PRUNE2: variants seen among roughly 807,000 people sequenced by gnomAD.
PRUNE2 encodes prune homolog 2 with BCH domain, also known as protein prune homolog 2.
In PRUNE2, 164 loss-of-function variants were observed where a neutral mutation model predicts 252.0. That is an observed-to-expected ratio of 0.65 (90% CI 0.57 to 0.74). The LOEUF (loss-of-function observed/expected upper bound fraction) is 0.74, where lower values mean the gene tolerates loss of function less well. Among genes scored for constraint, PRUNE2 ranks in the 30% least tolerant of loss-of-function variants. The probability of loss-of-function intolerance (pLI) is 0.00; values close to 1 mark genes in which losing one functional copy is unlikely to be tolerated. For missense variants in PRUNE2, 3,495 were observed against 3,711.0 expected (o/e 0.94, Z 1.51); for synonymous variants, 1,292 against 1,350.2 (o/e 0.96, Z 0.94).
chr9:76,705,136 A>T lies in PRUNE2; in HGVS notation c.7138T>A (p.Leu2380Met). Residue 2380 changes from leucine (L) to methionine (M), a missense_variant, in exon 8 of 19, where the codon TTG (leucine) becomes ATG (methionine). Leu to Met is a conservative substitution (Grantham distance 15). Coordinates refer to ENST00000376718, the MANE Select transcript of PRUNE2 (RefSeq NM_015225.3). ...EHFLYGGDPP[L>M]EEDSLKQSLA... ...GACTGCTTCAGAGAATCTTCCTCCA[A>T]AGGAGGGTCACCACCATACAGGAAG... The T allele has an allele frequency of 6.2e-7, 1 of 1,613,928 alleles. No individual in the cohort carries two copies. The highest frequency in any genetic ancestry group is 8.5e-7 in the Non-Finnish European group (1 of 1,179,836).
rs965551335 is a variant in PRUNE2 at position 76,613,534 on chromosome 9, C to T, written c.*1036G>A. 2.6e-5 allele frequency: 4 copies of T among 152,240 alleles called. No individual in the cohort carries two copies. Among genetic ancestry groups the T allele is most frequent in the South Asian group, 2.1e-4 (1 of 4,818 alleles). The allele number at this position is 152,240 out of a possible 1,614,324, so 9.4% of individuals were successfully genotyped here. A position where few individuals can be genotyped will look rare whatever the true frequency, so the allele number is the denominator to read the frequency against. On this transcript the variant is annotated 3_prime_UTR_variant, in exon 19 of 19. Coordinates refer to ENST00000376718, the MANE Select transcript of PRUNE2 (RefSeq NM_015225.3). Reference sequence around the variant, plus strand: ...ACCATTCTTAGCTTGCAGTGGTGAGCGAGACTTAGCTGTGGTTTGCCACCC... The same window carrying T: ...ACCATTCTTAGCTTGCAGTGGTGAGTGAGACTTAGCTGTGGTTTGCCACCC...
At chr9:76,810,346 G>A (rs895430634) in intron 6 of PRUNE2, among the ~76,000 whole-genome samples, 3 of 152,066 alleles carry the variant, frequency 2.0e-5, no homozygotes, top group African/African-American at 7.2e-5. Context: ...ACTCAAAAAA[G>A]GTATGATAGA....
rs1416927610 is a variant in PRUNE2, at chr9:76,612,367, C to T, written c.*2203G>A. 1 of 152,164 alleles carries T rather than the reference C, an allele frequency of 6.6e-6. No homozygotes were observed. The highest frequency in any genetic ancestry group is 1.9e-4 in the East Asian group (1 of 5,190). The allele number at this position is 152,164 out of a possible 1,614,324, so 9.4% of individuals were successfully genotyped here. A position where few individuals can be genotyped will look rare whatever the true frequency, so the allele number is the denominator to read the frequency against. ...TATAACAAGAGCCCTCTATGAACAG[C>T]TCTATGCCCTCAGGTTTGCACCACT... On this transcript the variant is annotated 3_prime_UTR_variant, in exon 19 of 19. Transcript: ENST00000376718.
Position 76,705,980 on chromosome 9 carries a change from A to C in PRUNE2, c.6294T>G (p.Asn2098Lys), listed in dbSNP as rs1203413506. ...DILTHCEHDS[N>K]SQASDSPDIC... ...TATCAGGGCTGTCGGAAGCCTGAGAATTGCTGTCATGTTCGCAGTGCGTCA... is the reference window on the plus strand; with the variant it reads ...TATCAGGGCTGTCGGAAGCCTGAGACTTGCTGTCATGTTCGCAGTGCGTCA... Residue 2098 changes from asparagine to lysine, a missense_variant, in exon 8 of 19, where the codon AAT becomes AAG. Transcript: ENST00000376718. 3.1e-6 allele frequency: 5 copies of C among 1,613,904 alleles called. No homozygotes were observed. The Admixed American group carries it at 8.3e-5, about 27-fold the overall frequency.
intron 12 of PRUNE2, 129 bp from the exon 13 acceptor site, chr9:76,638,417 G>A: frequency 1.5e-6 from 1 of 647,210 alleles, no homozygotes; most frequent in South Asian, 1.8e-5. Context: ...ATGAAATGGG[G>A]ATTATGTTGA....
At chr9:76,691,642 T>A (rs990453069) in intron 9 of PRUNE2, among the ~76,000 whole-genome samples, 2 of 152,164 alleles carry the variant, frequency 1.3e-5, no homozygotes, top group African/African-American at 2.4e-5. Context: ...AAAAAATGCC[T>A]CTCTACCAGA....
At chr9:76,649,609 AGAT>A (rs146555683) in intron 11 of PRUNE2, among the ~76,000 whole-genome samples, 2 of 93,708 alleles carry the variant, frequency 2.1e-5, no homozygotes, top group Non-Finnish European at 2.1e-5. Context: ...ATAGATAGAT[AGAT>A]GATAGATAGA....
rs1309935973 is a variant in PRUNE2 at position 76,640,444 on chromosome 9, T to A, written c.8729-2156A>T. ...TTGTATACAGTATTTATACTACAAG[T>A]GGTGATACGGTGTTGTTGTATACAG... On this transcript the variant is annotated intron_variant, in intron 12 of 18. Transcript: ENST00000376718. Among the ~76,000 whole-genome samples, 11 of 152,184 alleles carry A rather than the reference T, an allele frequency of 7.2e-5. 1 individual carries two copies. The highest frequency in any genetic ancestry group is 7.2e-4 in the Admixed American group (11 of 15,270).
At chr9:76,886,224 A>T (rs1204168587) in intron 1 of PRUNE2, among the ~76,000 whole-genome samples, 1 of 152,028 alleles carries the variant, frequency 6.6e-6, no homozygotes, top group Non-Finnish European at 1.5e-5. Context: ...CAATGCTCTT[A>T]CACGTGATCA....
At chr9:76,776,120 C>G (rs1375121629) in intron 6 of PRUNE2, among the ~76,000 whole-genome samples, 1 of 152,144 alleles carries the variant, frequency 6.6e-6, no homozygotes, top group African/African-American at 2.4e-5. Context: ...TCAGTAAAGA[C>G]AGTAAGCACA....
intron 6 of PRUNE2, chr9:76,785,634 T>C (rs2054896710): frequency 6.6e-6 from 1 of 152,178 alleles, no homozygotes; most frequent in Non-Finnish European, 1.5e-5. Context: ...TCCTTGTAGT[T>C]AATTGAAAGA....
chr9:76,705,505 G>A lies in PRUNE2; in HGVS notation c.6769C>T (p.Pro2257Ser). 1 of 1,614,020 alleles carries A rather than the reference G, an allele frequency of 6.2e-7. No homozygotes were observed. The highest frequency in any genetic ancestry group is 8.5e-7 in the Non-Finnish European group (1 of 1,179,878). Reference sequence around the variant, plus strand: ...GCTCTTGCACCAGGCTGACTTTCAGGAGAAAAGCTGTCTGATATCCAAGAA... The same window carrying A: ...GCTCTTGCACCAGGCTGACTTTCAGAAGAAAAGCTGTCTGATATCCAAGAA... ...DGSWISDSFS[P>S]ESQPGARALF... Residue 2257 changes from proline to serine, a missense_variant, in exon 8 of 19, where the codon CCT (proline) becomes TCT (serine). Coordinates refer to ENST00000376718, the MANE Select transcript of PRUNE2 (RefSeq NM_015225.3).
intron 6 of PRUNE2, among the ~76,000 whole-genome samples, chr9:76,730,520 T>C (rs914215039): frequency 1.3e-4 from 20 of 152,296 alleles, no homozygotes; most frequent in African/African-American, 4.6e-4. Context: ...GCTGTGCTGC[T>C]GGTCTGTGCA....
At chr9:76,616,658 G>A (rs1193979450) in intron 18 of PRUNE2, among the ~76,000 whole-genome samples, 4 of 152,086 alleles carry the variant, frequency 2.6e-5, no homozygotes, top group Non-Finnish European at 5.9e-5. Context: ...TAAAAGACTG[G>A]AACCTGTTTA....
chr9:76,826,297 A>T (rs2058341012), intron 5 of PRUNE2, among the ~76,000 whole-genome samples: 1 of 152,178 alleles, frequency 6.6e-6, no homozygotes, highest in Non-Finnish European at 1.5e-5. Context: ...AACATGGTCA[A>T]GCCCTGCCTC....
intron 9 of PRUNE2, among the ~76,000 whole-genome samples, chr9:76,676,837 G>A (rs1455592067): frequency 1.3e-5 from 2 of 152,184 alleles, no homozygotes; most frequent in Non-Finnish European, 2.9e-5. Context: ...GTAGGAAGCA[G>A]CAGAAATAGC....
rs1053686260 is a variant in PRUNE2, at chr9:76,706,508, G to T, written c.5766C>A (p.Phe1922Leu). 2.5e-6 allele frequency: 4 copies of T among 1,613,862 alleles called. No homozygotes were observed. Among genetic ancestry groups the T allele is most frequent in the Non-Finnish European group, 3.4e-6 (4 of 1,179,900 alleles). Residue 1922 changes from phenylalanine to leucine, a missense_variant, in exon 8 of 19, where the codon TTC (phenylalanine) becomes TTA (leucine). By Grantham distance (22) the Phe-to-Leu change is conservative (BLOSUM62 0). Coordinates refer to ENST00000376718, the MANE Select transcript of PRUNE2 (RefSeq NM_015225.3). ...TTTGGTCTAATTTTACAAGCTGGCT[G>T]AACTTGTCAGCATCTGGGTCTGGCT... The part of the protein sequence containing the change: ...PRQPDPDADK[F>L]SQLVKLDQIK...
At chr9:76,878,625 C>A (rs559397895) in intron 1 of PRUNE2, among the ~76,000 whole-genome samples, 24 of 152,226 alleles carry the variant, frequency 1.6e-4, no homozygotes, top group African/African-American at 5.8e-4. Flanking sequence ...CCTTTATGAT[C>A]TGTAAAATCT....
rs894492480 is a variant in PRUNE2 at position 76,906,041 on chromosome 9, T to G, written c.-78A>C. 3.9e-6 allele frequency: 6 copies of G among 1,526,308 alleles called. No homozygotes were observed. The highest frequency in any genetic ancestry group is 5.4e-6 in the Non-Finnish European group (6 of 1,102,090). The allele number at this position is 1,526,308 out of a possible 1,614,324, so 94.5% of individuals were successfully genotyped here. A position where few individuals can be genotyped will look rare whatever the true frequency, so the allele number is the denominator to read the frequency against. Reference sequence around the variant, plus strand: ...CTCGGCCCAAGGAAGACGAGCGGGGTCCCGGGAAAGTGGCCCGCCGGGGCG... The same window carrying G: ...CTCGGCCCAAGGAAGACGAGCGGGGGCCCGGGAAAGTGGCCCGCCGGGGCG... On this transcript the variant is annotated 5_prime_UTR_variant, in exon 1 of 19. Coordinates refer to ENST00000376718, the MANE Select transcript of PRUNE2 (RefSeq NM_015225.3).
Sources: allele counts gnomAD v4.1 joint callset (sites outside exome capture counted in the v4.1 genomes callset), GRCh38; gene constraint gnomAD v4.1.1; transcripts MANE v1.5; gene names NCBI Gene and HGNC (gene_info 2026-07-23, HGNC 2026-07-21).